The following CCT6B variants were observed in gnomAD, a reference collection of about 807,000 sequenced individuals.
CCT6B encodes chaperonin containing TCP1 subunit 6B.
In CCT6B, 49 loss-of-function variants were observed where a neutral mutation model predicts 61.5. The observed-to-expected ratio is 0.80, with a 90% CI of 0.63 to 1.01. The LOEUF is 1.01. Among genes scored for constraint, CCT6B ranks in the 50% least tolerant of loss-of-function variants. The pLI is 0.00. For missense variants in CCT6B, 666 were observed against 634.7 expected (o/e 1.05, Z -0.53); for synonymous variants, 228 against 214.5 (o/e 1.06, Z -0.55).
At chr17:34,929,867 A>C (rs1338511522) in intron 12 of CCT6B, among the ~76,000 whole-genome samples, 1 of 152,018 alleles carries the variant, frequency 6.6e-6, no homozygotes, top group South Asian at 2.1e-4. Context: ...CTCCAGACCC[A>C]TATATCCAAC....
chr17:34,961,317 G>T lies in CCT6B; in HGVS notation c.77C>A (p.Ala26Asp). ...ARAALAVNIC[A>D]ARGLQDVLRT... ...CAGCACATCCTGCAGCCCTCGGGCGGCGCATATATTGACAGCCAAAGCTGC... is the reference window on the plus strand; with the variant it reads ...CAGCACATCCTGCAGCCCTCGGGCGTCGCATATATTGACAGCCAAAGCTGC... The change falls in exon 1 of 14, where the codon GCC (alanine) becomes GAC (aspartate). Residue 26 changes from alanine to aspartate, a missense_variant. By Grantham distance (126) the Ala-to-Asp change is moderately radical. Transcript: ENST00000314144. 1 of 1,613,172 alleles carries T rather than the reference G, an allele frequency of 6.2e-7. No homozygotes were observed.
rs1445106103 is a variant in CCT6B at position 34,932,361 on chromosome 17, T to C, written c.1347+6A>G. ...AGTTGTTATTTGGCCGAAAGGGTAGTTGTACCTTGGGAATAATGAGTAAGG... is the reference window on the plus strand; with the variant it reads ...AGTTGTTATTTGGCCGAAAGGGTAGCTGTACCTTGGGAATAATGAGTAAGG... On this transcript the variant is annotated splice_donor_region_variant and intron_variant, in intron 11 of 13. Coordinates refer to ENST00000314144, the MANE Select transcript of CCT6B (RefSeq NM_006584.4). 6.2e-7 allele frequency: 1 copy of C among 1,602,308 alleles called. No homozygotes were observed. Among genetic ancestry groups the C allele is most frequent in the African/African-American group, 1.3e-5 (1 of 74,198 alleles).
Position 34,942,610 on chromosome 17 carries a change from T to C in CCT6B, c.759A>G (p.Ala253=). 1.2e-6 allele frequency: 2 copies of C among 1,602,514 alleles called. No individual in the cohort carries two copies. Among genetic ancestry groups the C allele is most frequent in the Non-Finnish European group, 1.7e-6 (2 of 1,176,256 alleles). The change falls in exon 7 of 14, where the codon GCA becomes GCG. Residue 253 remains alanine, a synonymous_variant. Transcript: ENST00000314144. Reference sequence around the variant, plus strand: ...CTTTTACCAATTTCTCTTTCTCTTCTGCAGTCTTATAAAAGAAACCAGAGT... The same window carrying C: ...CTTTTACCAATTTCTCTTTCTCTTCCGCAGTCTTATAAAAGAAACCAGAGT... ...EVNSGFFYKT[A]EEKEKLVKAE...
At chr17:34,947,793 C>A (rs1172735077) in intron 5 of CCT6B, among the ~76,000 whole-genome samples, 1 of 151,850 alleles carries the variant, frequency 6.6e-6, no homozygotes, top group East Asian at 1.9e-4. Context: ...ACCAGCCTGG[C>A]CAACATGGTG....
Position 34,958,632 on chromosome 17 carries a change from T to G in CCT6B, c.264A>C (p.Thr88=). ...GAACATTTGAAGTAGTACCATCTCC[T>G]GTGACGTCATCCTGAGCTGTTGCTA... ...AKVATAQDDV[T]GDGTTSNVLI... Residue 88 remains threonine, a synonymous_variant, in exon 3 of 14, where the codon ACA becomes ACC. Coordinates refer to ENST00000314144, the MANE Select transcript of CCT6B (RefSeq NM_006584.4). The G allele has an allele frequency of 6.2e-7, 1 of 1,605,818 alleles. No individual in the cohort carries two copies. The highest frequency in any genetic ancestry group is 8.5e-7 in the Non-Finnish European group (1 of 1,175,474).
At position 34,951,946 on chromosome 17, in the gene CCT6B, T is replaced by C; in HGVS notation, c.614+4A>G. 6.9e-7 allele frequency: 1 copy of C among 1,449,300 alleles called. No homozygotes were observed. The highest frequency in any genetic ancestry group is 9.6e-7 in the Non-Finnish European group (1 of 1,040,728). 89.8% of individuals were successfully genotyped at this position (1,449,300 alleles called of 1,614,324 possible). A position where few individuals can be genotyped will look rare whatever the true frequency, so the allele number is the denominator to read the frequency against. ...CATATGTTGTCAAAGCTTATGTAAT[T>C]TACTTTGTATCTGTTCCTAATTTAT... On this transcript the variant is annotated splice_donor_region_variant and intron_variant, in intron 5 of 13. Transcript: ENST00000314144.
At chr17:34,943,009 C>A in intron 5 of CCT6B, 103 bp from the exon 6 acceptor site, 1 of 654,786 alleles carries the variant, frequency 1.5e-6, no homozygotes, top group Non-Finnish European at 2.5e-6. Flanking sequence ...CCAGGACACA[C>A]ATTGTTTCCT....
intron 1 of CCT6B, 52 bp downstream of exon 1, chr17:34,961,205 G>A: frequency 2.6e-6 from 4 of 1,555,334 alleles, no homozygotes; most frequent in African/African-American, 1.4e-5. Context: ...GAGGGCGACA[G>A]GACACCAACG....
chr17:34,942,262 C>T (rs1454838278), intron 7 of CCT6B, among the ~76,000 whole-genome samples: 1 of 151,172 alleles, frequency 6.6e-6, no homozygotes, highest in African/African-American at 2.4e-5. Flanking sequence ...GGTGCTACTT[C>T]TTTGACTTGT....
rs567919309 is a variant in CCT6B at position 34,940,567 on chromosome 17, G to T, written c.940C>A (p.Arg314Ser). 11 of 1,582,056 alleles carry T rather than the reference G, an allele frequency of 7.0e-6. No homozygotes were observed. The highest frequency in any genetic ancestry group is 2.7e-5 in the African/African-American group (2 of 73,470). ...TCCATATTTCTTCTTTTTGCTCTGC[G>T]AAGAGCTACTATTCCATGTTTTGCA... is the stretch of plus-strand genomic sequence containing the variant. ...SLAKHGIVALRRAKRRNMERL... is the reference protein window; with the variant it reads ...SLAKHGIVALSRAKRRNMERL... The change falls in exon 8 of 14, where the codon CGC becomes AGC. Residue 314 changes from arginine to serine, a missense_variant. Transcript: ENST00000314144.
intron 5 of CCT6B, among the ~76,000 whole-genome samples, chr17:34,950,110 T>A (rs960715942): frequency 3.3e-5 from 5 of 152,162 alleles, no homozygotes; most frequent in South Asian, 2.1e-4. Flanking sequence ...ATAACTAAAA[T>A]TTCCCCATGT....
rs1475183911 is a variant in CCT6B, at chr17:34,932,433, G to C, written c.1281C>G (p.Asn427Lys). The C allele has an allele frequency of 1.9e-6, 3 of 1,612,060 alleles. No homozygotes were observed. Among genetic ancestry groups the C allele is most frequent in the East Asian group, 2.2e-5 (1 of 44,830 alleles). The change falls in exon 11 of 14, where the codon AAC (asparagine) becomes AAG (lysine). Residue 427 changes from asparagine to lysine, a missense_variant. Transcript: ENST00000314144. Reference protein sequence around the residue: ...AMAEALVTYKNSIKGRARLGV... With the variant: ...AMAEALVTYKKSIKGRARLGV... ...CAAGACGAGCTCTTCCTTTTATACT[G>C]TTCTTATATGTAACAAGAGCTTCAG...
At chr17:34,935,681 C>A (rs1012252931) in intron 10 of CCT6B, among the ~76,000 whole-genome samples, 17 of 152,088 alleles carry the variant, frequency 1.1e-4, no homozygotes, top group African/African-American at 3.6e-4. Flanking sequence ...CATGGTGAAA[C>A]TCCATCTCTA....
intron 5 of CCT6B, among the ~76,000 whole-genome samples, chr17:34,951,133 G>C (rs2090287164): frequency 6.6e-6 from 1 of 152,090 alleles, no homozygotes; most frequent in Non-Finnish European, 1.5e-5. Flanking sequence ...CAGACTGTGC[G>C]TAGATCTTAA....
chr17:34,928,063 C>T lies in CCT6B; in HGVS notation c.1578G>A (p.Met526Ile). The change falls in exon 14 of 14, where the codon ATG (methionine) becomes ATA (isoleucine). Residue 526 changes from methionine (M) to isoleucine (I), a missense_variant. Transcript: ENST00000314144. Reference protein sequence around the residue: ...LLVDEIMRAGMSSLK With the variant: ...LLVDEIMRAGISSLK ...AATTCAATCATCATTTGAGAGAAGA[C>T]ATCCCAGCTCGCATAATTTCATCAA... 1 of 1,610,776 alleles carries T rather than the reference C, an allele frequency of 6.2e-7. No homozygotes were observed. Among genetic ancestry groups the T allele is most frequent in the African/African-American group, 1.3e-5 (1 of 74,802 alleles).
chr17:34,944,882 C>T (rs1348830367), intron 5 of CCT6B, among the ~76,000 whole-genome samples: 2 of 152,296 alleles, frequency 1.3e-5, no homozygotes, highest in Non-Finnish European at 1.5e-5. Flanking sequence ...GCCGCGATCG[C>T]GCCACTGGAC....
chr17:34,954,661 CCTGT>C lies in CCT6B; in HGVS notation c.337-66_337-63del, dbSNP rs552129668. ...AGTCACCCAATGTAAAAGTAACCAA[CCTGT>C]CTGATTATTATGTTCAAAAAAAGTT... On this transcript the variant is annotated intron_variant, in intron 3 of 13. Coordinates refer to ENST00000314144, the MANE Select transcript of CCT6B (RefSeq NM_006584.4). 959 of 1,337,882 alleles carry C rather than the reference CCTGT, an allele frequency of 7.2e-4. 7 individuals carry two copies. The African/African-American group carries it at 0.013, about 18-fold the overall frequency. The allele number at this position is 1,337,882 out of a possible 1,614,324, so 82.9% of individuals were successfully genotyped here.
At chr17:34,934,052 C>G (rs2090067192) in intron 10 of CCT6B, among the ~76,000 whole-genome samples, 1 of 150,598 alleles carries the variant, frequency 6.6e-6, no homozygotes, top group Non-Finnish European at 1.5e-5. Context: ...CTGCCTGAGC[C>G]TGGGAAGTCA....
chr17:34,956,041 C>T (rs1335915455), intron 3 of CCT6B, among the ~76,000 whole-genome samples: 3 of 152,160 alleles, frequency 2.0e-5, no homozygotes, highest in African/African-American at 7.2e-5. Flanking sequence ...AAAACCATCC[C>T]CCAAATACTT....
Sources: gnomAD v4.1 joint callset for allele counts (sites outside exome capture counted in the v4.1 genomes callset) on GRCh38, gnomAD v4.1.1 for gene constraint, MANE v1.5 for transcripts, NCBI Gene and HGNC (gene_info 2026-07-23, HGNC 2026-07-21) for gene names.